DEFB1: variants seen among roughly 807,000 people sequenced by gnomAD.
DEFB1 encodes the protein defensin beta 1.
Under a neutral mutation model 2.6 loss-of-function variants are expected in DEFB1, and 4 were observed. That is an observed-to-expected ratio of 1.53 (90% CI 0.76 to 3.51). DEFB1 has a LOEUF of 3.51. Among genes scored for constraint, DEFB1 ranks in the 30% most tolerant of loss-of-function variants. DEFB1 has a pLI of 0.01. For synonymous variants in DEFB1, 56 were observed against 28.5 expected, an observed-to-expected ratio of 1.96 and a Z score of -3.07; for missense variants, 162 against 76.9, an observed-to-expected ratio of 2.11 and a Z score of -4.14.
At chr8:6,877,750 G>A in intron 1 of DEFB1, 47 bp downstream of exon 1, 1 of 1,530,294 alleles carries the variant, frequency 6.5e-7, no homozygotes, top group Non-Finnish European at 9.1e-7. Context: ...CAGCCCCATT[G>A]TCCCCAGCCC....
chr8:6,873,474 C>G (rs1333821912), intron 1 of DEFB1, among the ~76,000 whole-genome samples: 3 of 152,292 alleles, frequency 2.0e-5, no homozygotes, highest in African/African-American at 7.2e-5. Flanking sequence ...ACCACTCAAC[C>G]TCTCTAGGCA....
chr8:6,872,039 A>G (rs1050502215), intron 1 of DEFB1, among the ~76,000 whole-genome samples: 62 of 152,136 alleles, frequency 4.1e-4, no homozygotes, highest in Non-Finnish European at 7.6e-4. Flanking sequence ...CTTCCATCCA[A>G]AGGCTATTTT....
At position 6,870,596 on chromosome 8, in the gene DEFB1, C is replaced by G; in HGVS notation, c.*85G>C. On this transcript the variant is annotated 3_prime_UTR_variant, in exon 2 of 2. Coordinates refer to ENST00000297439, the MANE Select transcript of DEFB1 (RefSeq NM_005218.4). ...TTCATTTTGGCCCAAAGGAGGTATACTTCAAAAGCAATTTTCCTTTATTAA... is the reference window on the plus strand; with the variant it reads ...TTCATTTTGGCCCAAAGGAGGTATAGTTCAAAAGCAATTTTCCTTTATTAA... The G allele has an allele frequency of 1.3e-6, 2 of 1,545,174 alleles. No individual in the cohort carries two copies. Among genetic ancestry groups the G allele is most frequent in the Non-Finnish European group, 1.7e-6 (2 of 1,143,984 alleles).
chr8:6,877,786 C>A lies in DEFB1; in HGVS notation c.61+11G>T. 1 of 1,612,658 alleles carries A rather than the reference C, an allele frequency of 6.2e-7. No homozygotes were observed. Among genetic ancestry groups the A allele is most frequent in the Non-Finnish European group, 8.5e-7 (1 of 1,178,812 alleles). ...TGGGGATGGGAAACTCTTGCAGGTA[C>A]CAGAGCTTACCTGAGGCCATCTCAG... On this transcript the variant is annotated intron_variant, in intron 1 of 1. Coordinates refer to ENST00000297439, the MANE Select transcript of DEFB1 (RefSeq NM_005218.4).
At chr8:6,877,019 T>A (rs1381606760) in intron 1 of DEFB1, among the ~76,000 whole-genome samples, 4 of 152,184 alleles carry the variant, frequency 2.6e-5, no homozygotes, top group African/African-American at 7.2e-5. Flanking sequence ...AATAGGATCT[T>A]ACAGAGACTT....
At chr8:6,874,117 A>C (rs961102040) in intron 1 of DEFB1, among the ~76,000 whole-genome samples, 1 of 120,916 alleles carries the variant, frequency 8.3e-6, no homozygotes, top group African/African-American at 3.4e-5. Flanking sequence ...AATATCTGAC[A>C]TACACACACA....
chr8:6,872,631 C>T lies in DEFB1; in HGVS notation c.62-1805G>A, dbSNP rs536881724. Among the ~76,000 whole-genome samples the T allele has an allele frequency of 2.0e-5, 3 of 152,286 alleles. No individual in the cohort carries two copies. In the South Asian group the frequency reaches 6.2e-4, roughly 32 times the overall value. ...GTGGAGATGGAAGGGAATTGAGAGG[C>T]ACTCTGGTTCTCCCATCCCAGTACT... On this transcript the variant is annotated intron_variant, in intron 1 of 1. Transcript: ENST00000297439.
intron 1 of DEFB1, among the ~76,000 whole-genome samples, chr8:6,872,359 CACGAGCACTATGTGGCT>C (rs1402949140): frequency 6.6e-6 from 1 of 152,220 alleles, no homozygotes; most frequent in Non-Finnish European, 1.5e-5. Flanking sequence ...TGCAAGTGCT[CACGAGCACTATGTGGCT>C]AGTGGGTGCT....
Position 6,877,838 on chromosome 8 carries a change from A to G in DEFB1, c.20T>C (p.Leu7Pro), listed in dbSNP as rs566238581. The change falls in exon 1 of 2, where the codon CTG becomes CCG. Residue 7 changes from leucine to proline, a missense_variant. Leu to Pro is a moderately conservative substitution (Grantham distance 98). Transcript: ENST00000297439. MRTSYL[L>P]LFTLCLLLSE... ...CAAAAGTAAGCAGAGAGTAAACAGC[A>G]GAAGGTAGGAAGTTCTCATGGCGAC... The G allele has an allele frequency of 5.6e-6, 9 of 1,614,058 alleles. No individual in the cohort carries two copies. The African/African-American group carries it at 1.2e-4, about 22-fold the overall frequency.
At chr8:6,875,921 G>T (rs933346719) in intron 1 of DEFB1, among the ~76,000 whole-genome samples, 3 of 152,078 alleles carry the variant, frequency 2.0e-5, no homozygotes, top group African/African-American at 7.2e-5. Context: ...TTATTCTTGG[G>T]GGTAGGAGGG....
intron 1 of DEFB1, among the ~76,000 whole-genome samples, chr8:6,875,321 G>C (rs962162117): frequency 3.3e-5 from 5 of 152,110 alleles, no homozygotes; most frequent in African/African-American, 7.2e-5. Context: ...TTTCCATTAA[G>C]AGAGTGAAAA....
chr8:6,871,317 G>A (rs919594496), intron 1 of DEFB1, among the ~76,000 whole-genome samples: 4 of 152,020 alleles, frequency 2.6e-5, no homozygotes, highest in African/African-American at 9.7e-5. Flanking sequence ...ATCTAGGATC[G>A]TTTCACATCG....
At chr8:6,877,735 C>T in intron 1 of DEFB1, 62 bp downstream of exon 1, 2 of 1,457,818 alleles carry the variant, frequency 1.4e-6, no homozygotes, top group South Asian at 1.2e-5. Context: ...ATCCGAGACT[C>T]ACATCAGCCC....
At chr8:6,873,096 CA>C (rs1312345570) in intron 1 of DEFB1, among the ~76,000 whole-genome samples, 28 of 152,172 alleles carry the variant, frequency 1.8e-4, no homozygotes, top group African/African-American at 6.5e-4. Flanking sequence ...AGAGGAGGCC[CA>C]AATTTAATAT....
Position 6,870,785 on chromosome 8 carries a change from AATG to A in DEFB1, c.100_102del (p.His34del). ...TGCCCTCCACTGCTGACGCAATTGT[AATG>A]ATCAGATCTGTGGCCAAGGCCTGTG... is the stretch of plus-strand genomic sequence containing the variant. On this transcript the variant is annotated inframe_deletion, in exon 2 of 2. Transcript: ENST00000297439. 6.2e-7 allele frequency: 1 copy of A among 1,614,224 alleles called. No individual in the cohort carries two copies. The highest frequency in any genetic ancestry group is 2.2e-5 in the East Asian group (1 of 44,888).
At chr8:6,877,360 G>A (rs1806570312) in intron 1 of DEFB1, among the ~76,000 whole-genome samples, 1 of 152,240 alleles carries the variant, frequency 6.6e-6, no homozygotes, top group Non-Finnish European at 1.5e-5. Flanking sequence ...GAGCTGGCCT[G>A]ATGGGTGGGG....
At chr8:6,876,677 C>T (rs1484288412) in intron 1 of DEFB1, among the ~76,000 whole-genome samples, 1 of 151,634 alleles carries the variant, frequency 6.6e-6, no homozygotes, top group Non-Finnish European at 1.5e-5. Context: ...GTGGTGCATG[C>T]CTGTAGTCAC....
intron 1 of DEFB1, among the ~76,000 whole-genome samples, chr8:6,874,251 C>T (rs1258433420): frequency 1.3e-5 from 2 of 152,106 alleles, no homozygotes; most frequent in African/African-American, 4.8e-5. Context: ...AGGAACATCA[C>T]ATCCTACTAA....
intron 1 of DEFB1, among the ~76,000 whole-genome samples, chr8:6,871,557 C>G (rs985192902): frequency 2.0e-5 from 3 of 152,170 alleles, no homozygotes; most frequent in Admixed American, 6.5e-5. Context: ...ACTGAATCCC[C>G]TAGGAAAAGA....
Sources: allele counts gnomAD v4.1 joint callset (sites outside exome capture counted in the v4.1 genomes callset), GRCh38; gene constraint gnomAD v4.1.1; transcripts MANE v1.5; gene names NCBI Gene and HGNC (gene_info 2026-07-23, HGNC 2026-07-21).